PARP2: variants seen among roughly 807,000 people sequenced by gnomAD.
PARP2 encodes the protein poly [ADP-ribose] polymerase 2.
A neutral mutation model predicts 77.8 loss-of-function variants in PARP2; 57 were observed. The ratio of observed to expected loss-of-function variants is 0.73; its 90% confidence interval spans 0.59 to 0.91. PARP2 has a LOEUF of 0.91. PARP2 is among the 40% of genes least tolerant of loss of function. PARP2 has a pLI of 0.00. For synonymous variants in PARP2, 226 were observed against 242.6 expected, an observed-to-expected ratio of 0.93 and a Z score of 0.64; for missense variants, 651 against 689.0, an observed-to-expected ratio of 0.94 and a Z score of 0.62.
chr14:20,343,718 C>CGG (rs776779974), intron 1 of PARP2, 31 bp downstream of exon 1: 1 of 1,603,474 alleles, frequency 6.2e-7, no homozygotes, highest in Non-Finnish European at 8.5e-7. Flanking sequence ...GGACGGCATG[C>CGG]GGGGGGCGGG....
At chr14:20,353,729 G>A (rs1884042356) in intron 7 of PARP2, among the ~76,000 whole-genome samples, 1 of 152,178 alleles carries the variant, frequency 6.6e-6, no homozygotes, top group Non-Finnish European at 1.5e-5. Flanking sequence ...AAATGGAGAA[G>A]TTTTAGTCTT....
At chr14:20,356,499 A>G in intron 12 of PARP2, 65 bp downstream of exon 12, 4 of 1,610,038 alleles carry the variant, frequency 2.5e-6, no homozygotes, top group Middle Eastern at 1.7e-4. Context: ...TAGAACTTAT[A>G]AGAGGGAGTC....
Position 20,350,611 on chromosome 14 carries a change from G to C in PARP2, c.410G>C (p.Arg137Thr). The C allele has an allele frequency of 6.3e-7, 1 of 1,596,416 alleles. No individual in the cohort carries two copies. Among genetic ancestry groups the C allele is most frequent in the Non-Finnish European group, 8.6e-7 (1 of 1,163,886 alleles). ...DAQRNFSVWM[R>T]WGRVGKMGQH... Reference sequence around the variant, plus strand: ...CAGAGGAACTTCAGTGTTTGGATGAGATGGGGCCGAGGTAATGATTTTTAT... The same window carrying C: ...CAGAGGAACTTCAGTGTTTGGATGACATGGGGCCGAGGTAATGATTTTTAT... Residue 137 changes from arginine to threonine, a missense_variant, in exon 5 of 16, where the codon AGA becomes ACA. Physicochemically the swap from Arg to Thr is moderately conservative, Grantham distance 71. Transcript: ENST00000429687.
chr14:20,357,078 A>G lies in PARP2; in HGVS notation c.1357A>G (p.Met453Val), dbSNP rs775674866. The G allele has an allele frequency of 2.5e-6, 4 of 1,612,384 alleles. No individual in the cohort carries two copies. The South Asian group carries it at 4.4e-5, about 18-fold the overall frequency. The change falls in exon 14 of 16, where the codon ATG (methionine) becomes GTG (valine). Residue 453 changes from methionine to valine, a missense_variant. Coordinates refer to ENST00000429687, the MANE Select transcript of PARP2 (RefSeq NM_001042618.2). ...TGGGAAAGGAATCTACTTTGCTGAC[A>G]TGTCTTCCAAGAGTGCCAATTACTG... ...MFGKGIYFAD[M>V]SSKSANYCFA...
At chr14:20,357,017 G>C (rs752561456) in intron 13 of PARP2, 34 bp from the exon 14 acceptor site, 1 of 1,344,534 alleles carries the variant, frequency 7.4e-7, no homozygotes, top group Non-Finnish European at 1.1e-6. Context: ...CAGTGGGTTA[G>C]AAGCTGACCT....
intron 4 of PARP2, among the ~76,000 whole-genome samples, chr14:20,349,214 G>A (rs1033286624): frequency 6.6e-6 from 1 of 152,040 alleles, no homozygotes; most frequent in African/African-American, 2.4e-5. Context: ...CAGCTACTTT[G>A]GAGGCTGAGG....
At chr14:20,348,274 G>T (rs1883839073) in intron 4 of PARP2, among the ~76,000 whole-genome samples, 1 of 151,962 alleles carries the variant, frequency 6.6e-6, no homozygotes, top group South Asian at 2.1e-4. Flanking sequence ...CAAACCACTT[G>T]TGTTTTCCAG....
At chr14:20,357,552 C>T (rs753091772) in intron 15 of PARP2, 32 bp downstream of exon 15, 1 of 1,602,084 alleles carries the variant, frequency 6.2e-7, no homozygotes, top group South Asian at 1.1e-5. Context: ...GACTAGAAGA[C>T]TCCTTTTGGC....
rs1456763998 is a variant in PARP2 at position 20,346,847 on chromosome 14, C to G, written c.274-16C>G. The stretch of plus-strand genomic sequence containing the variant: ...ACCTATACTAATGTTGATTTTTTCT[C>G]TCTCTCCCTTTCTAGGCTCATGTGT... On this transcript the variant is annotated splice_polypyrimidine_tract_variant and intron_variant, in intron 3 of 15. Coordinates refer to ENST00000429687, the MANE Select transcript of PARP2 (RefSeq NM_001042618.2). 2.5e-6 allele frequency: 4 copies of G among 1,574,852 alleles called. No homozygotes were observed. Among genetic ancestry groups the G allele is most frequent in the Non-Finnish European group, 2.6e-6 (3 of 1,148,858 alleles).
chr14:20,346,046 C>T (rs1883707058), intron 3 of PARP2, among the ~76,000 whole-genome samples: 1 of 152,186 alleles, frequency 6.6e-6, no homozygotes. Flanking sequence ...GAATCACTTC[C>T]CACCAGGCCC....
chr14:20,356,114 C>G, intron 11 of PARP2, 83 bp downstream of exon 11: 12 of 1,517,346 alleles, frequency 7.9e-6, no homozygotes, highest in South Asian at 1.2e-5. Flanking sequence ...TACTTCTTGT[C>G]AAGAGCAAAT....
At chr14:20,355,014 C>T in intron 9 of PARP2, 67 bp downstream of exon 9, 1 of 1,365,394 alleles carries the variant, frequency 7.3e-7, no homozygotes, top group Non-Finnish European at 1.0e-6. Context: ...CCATCAGCAG[C>T]AGCTATAATC....
At chr14:20,350,119 G>T (rs1883904085) in intron 4 of PARP2, among the ~76,000 whole-genome samples, 1 of 152,190 alleles carries the variant, frequency 6.6e-6, no homozygotes, top group Non-Finnish European at 1.5e-5. Flanking sequence ...TAACAGTTGA[G>T]CATAACAGGT....
Position 20,351,460 on chromosome 14 carries a change from G to C in PARP2, c.497+338G>C, listed in dbSNP as rs111235763. On this transcript the variant is annotated intron_variant, in intron 6 of 15. Transcript: ENST00000429687. ...TCCCAAAGTGCGGGATTACAGGCGT[G>C]AGCCACCGTGCCCTGCCTTCTCTAA... Among the ~76,000 whole-genome samples, 934 of 152,288 alleles carry C rather than the reference G, an allele frequency of 6.1e-3. 12 individuals carry two copies. The highest frequency in any genetic ancestry group is 0.022 in the African/African-American group (898 of 41,562).
intron 9 of PARP2, 173 bp from the exon 10 acceptor site, chr14:20,355,579 A>G: frequency 2.0e-6 from 1 of 497,572 alleles, no homozygotes; most frequent in East Asian, 3.3e-5. Context: ...ATTTAATATT[A>G]TTTTATATAT....
chr14:20,343,823 A>G (rs1883607205), intron 1 of PARP2, 136 bp downstream of exon 1: 1 of 911,270 alleles, frequency 1.1e-6, no homozygotes, highest in African/African-American at 1.7e-5. Flanking sequence ...GGGGTGCTAA[A>G]TTTTGTAAAT....
intron 7 of PARP2, chr14:20,352,564 T>C (rs1883998583): frequency 2.8e-6 from 1 of 351,282 alleles, no homozygotes; most frequent in South Asian, 6.6e-5. Flanking sequence ...TTTTCTTTTT[T>C]TTTTGTAAAG....
intron 3 of PARP2, among the ~76,000 whole-genome samples, chr14:20,346,394 C>G (rs1883721699): frequency 7.6e-6 from 1 of 131,838 alleles, no homozygotes; most frequent in African/African-American, 3.0e-5. Context: ...GTGGTGTGAT[C>G]TCAGCTCACT....
chr14:20,356,571 A>C lies in PARP2; in HGVS notation c.1230-19A>C. ...TCTGTGCAGAACAACAGAGTACAAT[A>C]ATATTGGCTTTTCCTTAGGATGCTT... On this transcript the variant is annotated intron_variant, in intron 12 of 15. Transcript: ENST00000429687. 1 of 1,609,330 alleles carries C rather than the reference A, an allele frequency of 6.2e-7. No homozygotes were observed. The highest frequency in any genetic ancestry group is 8.5e-7 in the Non-Finnish European group (1 of 1,175,666).
Sources: allele counts gnomAD v4.1 joint callset (sites outside exome capture counted in the v4.1 genomes callset), GRCh38; gene constraint gnomAD v4.1.1; transcripts MANE v1.5; gene names NCBI Gene and HGNC (gene_info 2026-07-23, HGNC 2026-07-21).